The following TAOK1 variants were observed in gnomAD, a reference collection of about 807,000 sequenced individuals.
TAOK1 encodes the protein serine/threonine-protein kinase TAO1.
TAOK1 carries 21 observed loss-of-function variants against 138.3 expected under a neutral mutation model. The ratio of observed to expected loss-of-function variants is 0.15; its 90% CI spans 0.11 to 0.22. TAOK1 has a LOEUF of 0.22. TAOK1 is among the 10% of genes least tolerant of loss of function. TAOK1 has a pLI of 1.00. For synonymous variants in TAOK1, 361 were observed against 398.4 expected (o/e 0.91, Z 1.12); for missense variants, 651 against 1,227.7 (o/e 0.53, Z 7.02).
chr17:29,465,857 TTTTTTTTC>T (rs2030654492), intron 2 of TAOK1, among the ~76,000 whole-genome samples: 1 of 139,182 alleles, frequency 7.2e-6, no homozygotes, highest in East Asian at 2.0e-4. Flanking sequence ...TTTTTTTTTT[TTTTTTTTC>T]AGATTTTCCA....
chr17:29,466,382 G>A (rs1415290246), intron 2 of TAOK1, among the ~76,000 whole-genome samples: 1 of 152,146 alleles, frequency 6.6e-6, no homozygotes, highest in Non-Finnish European at 1.5e-5. Context: ...GACCTGAGGT[G>A]ATCCACCCGC....
At chr17:29,477,852 A>G (rs1428086537) in intron 5 of TAOK1, 146 bp downstream of exon 5, 1 of 396,484 alleles carries the variant, frequency 2.5e-6, no homozygotes, top group Admixed American at 4.6e-5. Context: ...TCAGCATGGT[A>G]TATGCTGTCC....
In TAOK1 at chr17:29,431,710, G is replaced by C. The variant is rs1409599755; in HGVS notation, c.-94-19745G>C. 5.3e-5 allele frequency among the ~76,000 whole-genome samples: 8 copies of C among 151,898 alleles called. No individual in the cohort carries two copies. In the South Asian group the frequency reaches 1.5e-3, roughly 28 times the overall value. ...GCTGGAGTGCAATGGCGCGATCTCA[G>C]CTCACTGCAACCTCCGCCTCCTTGG... is the stretch of plus-strand genomic sequence containing the variant. On this transcript the variant is annotated intron_variant, in intron 1 of 19. Transcript: ENST00000261716.
In TAOK1 at chr17:29,548,662, TTCAC is replaced by T. The variant is rs2032442564; in HGVS notation, c.*5644_*5647del. On this transcript the variant is annotated 3_prime_UTR_variant, in exon 20 of 20. Coordinates refer to ENST00000261716, the MANE Select transcript of TAOK1 (RefSeq NM_020791.4). ...GGTAATTCAACCTGCACAGTTTTCT[TTCAC>T]TCAAAGTGTTCAGCACTTGTGAGTG... The T allele has an allele frequency of 6.6e-6, 1 of 152,174 alleles. No homozygotes were observed. Among genetic ancestry groups the T allele is most frequent in the African/African-American group, 2.4e-5 (1 of 41,442 alleles). The allele number at this position is 152,174 out of a possible 1,614,324, so 9.4% of individuals were successfully genotyped here. A position where few individuals can be genotyped will look rare whatever the true frequency, so the allele number is the denominator to read the frequency against.
chr17:29,485,499 A>G (rs1271484299), intron 8 of TAOK1, among the ~76,000 whole-genome samples: 1 of 136,184 alleles, frequency 7.3e-6, no homozygotes, highest in Non-Finnish European at 1.7e-5. Flanking sequence ...TAAGCTGGGC[A>G]TGGTAACCCC....
intron 1 of TAOK1, among the ~76,000 whole-genome samples, chr17:29,426,310 A>G (rs1193968262): frequency 1.3e-5 from 2 of 152,248 alleles, no homozygotes; most frequent in Non-Finnish European, 1.5e-5. Flanking sequence ...GTTCCAGGGT[A>G]GGAAATCAAT....
intron 1 of TAOK1, among the ~76,000 whole-genome samples, chr17:29,415,206 C>T (rs1467654226): frequency 2.6e-5 from 4 of 151,872 alleles, no homozygotes; most frequent in African/African-American, 4.8e-5. Context: ...TGAGCTCAAG[C>T]GATCCACCTG....
chr17:29,481,644 A>G (rs1470169540), intron 7 of TAOK1, among the ~76,000 whole-genome samples: 1 of 152,044 alleles, frequency 6.6e-6, no homozygotes, highest in East Asian at 1.9e-4. Context: ...GTTACATGAT[A>G]ATGATGGATA....
chr17:29,507,863 T>G, intron 13 of TAOK1, 33 bp from the exon 14 acceptor site: 2 of 1,581,622 alleles, frequency 1.3e-6, no homozygotes, highest in Non-Finnish European at 1.7e-6. Context: ...ATGTTTTATT[T>G]TCTTCTTTTC....
intron 2 of TAOK1, among the ~76,000 whole-genome samples, chr17:29,460,988 C>T (rs2153025096): frequency 6.6e-6 from 1 of 152,198 alleles, no homozygotes; most frequent in Non-Finnish European, 1.5e-5. Flanking sequence ...TTGTTTGCAC[C>T]TCCTTATGTA....
chr17:29,429,288 A>AT (rs956521727), intron 1 of TAOK1, among the ~76,000 whole-genome samples: 42 of 148,972 alleles, frequency 2.8e-4, no homozygotes, highest in East Asian at 3.9e-4. Flanking sequence ...CTTTCCTCTG[A>AT]TTTTTTTTTT....
intron 1 of TAOK1, among the ~76,000 whole-genome samples, chr17:29,397,613 AATAT>A (rs1221076146): frequency 7.2e-5 from 3 of 41,404 alleles, no homozygotes; most frequent in African/African-American, 2.0e-4. Flanking sequence ...CCCCCAAAAA[AATAT>A]ATATATATAT....
chr17:29,464,519 A>T (rs2030609304), intron 2 of TAOK1, among the ~76,000 whole-genome samples: 1 of 152,152 alleles, frequency 6.6e-6, no homozygotes. Flanking sequence ...CTAATGTACT[A>T]AAGGCCATTG....
chr17:29,485,967 A>G (rs1029226173), intron 8 of TAOK1, among the ~76,000 whole-genome samples: 1 of 152,202 alleles, frequency 6.6e-6, no homozygotes, highest in African/African-American at 2.4e-5. Flanking sequence ...ACAAGATAAT[A>G]AGAAATAGTA....
At chr17:29,516,657 A>G (rs1375069552) in intron 15 of TAOK1, among the ~76,000 whole-genome samples, 1 of 151,616 alleles carries the variant, frequency 6.6e-6, no homozygotes, top group African/African-American at 2.4e-5. Flanking sequence ...GTGCACCACC[A>G]TGTCTGGCTA....
At chr17:29,392,001 A>G (rs8065529) in intron 1 of TAOK1, among the ~76,000 whole-genome samples, 95,618 of 152,028 alleles carry the variant, frequency 0.63, 31,239 homozygotes, top group East Asian at 0.97. Context: ...CGGATCACGA[A>G]GTCAGGAGAT....
At chr17:29,433,462 T>A (rs1905916281) in intron 1 of TAOK1, among the ~76,000 whole-genome samples, 1 of 85,214 alleles carries the variant, frequency 1.2e-5, no homozygotes, top group African/African-American at 6.6e-5. Flanking sequence ...GATTCTTCAC[T>A]CTAGAAACTA....
intron 1 of TAOK1, among the ~76,000 whole-genome samples, chr17:29,451,056 G>A (rs941046956): frequency 2.0e-5 from 3 of 151,984 alleles, no homozygotes; most frequent in African/African-American, 4.8e-5. Flanking sequence ...ACTAGCATAC[G>A]GTATCTGAAA....
At chr17:29,448,438 C>G (rs1171103201) in intron 1 of TAOK1, among the ~76,000 whole-genome samples, 2 of 152,056 alleles carry the variant, frequency 1.3e-5, no homozygotes, top group Non-Finnish European at 2.9e-5. Flanking sequence ...TTTATTTCTT[C>G]TCCTTTAACT....
Sources: allele counts gnomAD v4.1 joint callset (sites outside exome capture counted in the v4.1 genomes callset), GRCh38; gene constraint gnomAD v4.1.1; transcripts MANE v1.5; gene names NCBI Gene and HGNC (gene_info 2026-07-23, HGNC 2026-07-21).